The following STMN3 variants were observed in gnomAD, a reference collection of about 807,000 sequenced individuals.
STMN3 encodes stathmin-3.
Under a neutral mutation model 23.2 loss-of-function variants are expected in STMN3, and 24 were observed. The observed-to-expected ratio is 1.03, with a 90% confidence interval of 0.75 to 1.45. The LOEUF is 1.45. Among genes scored for constraint, STMN3 ranks in the 40% most tolerant of loss-of-function variants. The probability of loss-of-function intolerance (pLI) is 0.00; values close to 1 mark genes in which losing one functional copy is unlikely to be tolerated. For synonymous variants in STMN3, 117 were observed against 103.4 expected, an observed-to-expected ratio of 1.13 and a Z score of -0.80; for missense variants, 235 against 237.6, an observed-to-expected ratio of 0.99 and a Z score of 0.07.
chr20:63,647,902 AC>A (rs1468965900), intron 1 of STMN3, among the ~76,000 whole-genome samples: 2 of 128,394 alleles, frequency 1.6e-5, no homozygotes, highest in African/African-American at 2.8e-5. Context: ...ACGTATATAT[AC>A]ACGTGTGTAT....
At chr20:63,647,960 G>GTGTATACATATATATA (rs1424237875) in intron 1 of STMN3, among the ~76,000 whole-genome samples, 2 of 53,360 alleles carry the variant, frequency 3.7e-5, no homozygotes, top group Admixed American at 2.3e-4. Flanking sequence ...ATATATATAT[G>GTGTATACATATATATA]TATATATATA....
At position 63,641,409 on chromosome 20, in the gene STMN3, G is replaced by A; in HGVS notation, c.484-12C>T. 1.3e-6 allele frequency: 2 copies of A among 1,560,796 alleles called. No homozygotes were observed. The highest frequency in any genetic ancestry group is 2.4e-5 in the South Asian group (2 of 84,964). ...GCCGCGTGCAGCTCCTGCAGGACAG[G>A]GGGCGGGAGGGCCTGAGGGCGGGGG... On this transcript the variant is annotated splice_polypyrimidine_tract_variant and intron_variant, in intron 4 of 4. Transcript: ENST00000370053.
At chr20:63,650,830 G>A (rs1222318641) in intron 1 of STMN3, among the ~76,000 whole-genome samples, 3 of 64,998 alleles carry the variant, frequency 4.6e-5, no homozygotes, top group Admixed American at 2.0e-4. Context: ...CCCTCCCGCC[G>A]CCCAGGTGGA....
intron 1 of STMN3, among the ~76,000 whole-genome samples, chr20:63,650,124 G>C (rs192674108): frequency 3.5e-5 from 3 of 86,832 alleles, no homozygotes; most frequent in African/African-American, 5.3e-5. Flanking sequence ...CCCCGCGCCT[G>C]GCCCCCCGCA....
Position 63,641,040 on chromosome 20 carries a change from G to A in STMN3, c.*298C>T. The A allele has an allele frequency of 4.0e-6, 2 of 499,806 alleles. No homozygotes were observed. The highest frequency in any genetic ancestry group is 7.3e-6 in the Non-Finnish European group (2 of 272,364). The allele number at this position is 499,806 out of a possible 1,614,324, so 31.0% of individuals were successfully genotyped here. ...ACCCGTGATCCCACGCCACCGCCCT[G>A]GGTTTACCACGGTCACCGCCACCTC... On this transcript the variant is annotated 3_prime_UTR_variant, in exon 5 of 5. Coordinates refer to ENST00000370053, the MANE Select transcript of STMN3 (RefSeq NM_015894.4).
intron 1 of STMN3, among the ~76,000 whole-genome samples, chr20:63,647,858 A>G (rs2089826072): frequency 7.9e-6 from 1 of 126,116 alleles, no homozygotes; most frequent in Non-Finnish European, 1.7e-5. Context: ...TAATATATAT[A>G]CGTATATATA....
chr20:63,644,005 G>A, intron 2 of STMN3, 74 bp from the exon 3 acceptor site: 1 of 1,558,974 alleles, frequency 6.4e-7, no homozygotes, highest in Admixed American at 2.1e-5. Context: ...GATGCTCCCA[G>A]CACACATCCA....
At chr20:63,642,379 G>T in intron 3 of STMN3, 80 bp from the exon 4 acceptor site, 3 of 1,097,052 alleles carry the variant, frequency 2.7e-6, no homozygotes, top group Non-Finnish European at 3.5e-6. Context: ...TCCGCCTCCC[G>T]CCCAGCGCCC....
intron 1 of STMN3, among the ~76,000 whole-genome samples, chr20:63,647,646 ATACATGTATATATATAATATATATATAC>A (rs1569069719): frequency 7.2e-6 from 1 of 138,340 alleles, no homozygotes; most frequent in African/African-American, 2.7e-5. Context: ...ATATATATAT[ATACATGTATATATATAATATATATATAC>A]GTATATATAC....
At position 63,640,146 on chromosome 20, in the gene STMN3, G is replaced by A. The variant is rs2089747605; in HGVS notation, c.*1192C>T. 1 of 152,802 alleles carries A rather than the reference G, an allele frequency of 6.5e-6. No homozygotes were observed. Among genetic ancestry groups the A allele is most frequent in the Non-Finnish European group, 1.5e-5 (1 of 68,118 alleles). 9.5% of individuals were successfully genotyped at this position (152,802 alleles called of 1,614,324 possible). On this transcript the variant is annotated 3_prime_UTR_variant, in exon 5 of 5. Coordinates refer to ENST00000370053, the MANE Select transcript of STMN3 (RefSeq NM_015894.4). Reference sequence around the variant, plus strand: ...CTTCACACTTTACAGCAAGGGGCCAGGCAGCAGCTTTGGGATGGGGCTTCC... The same window carrying A: ...CTTCACACTTTACAGCAAGGGGCCAAGCAGCAGCTTTGGGATGGGGCTTCC...
rs2089762267 is a variant in STMN3, at chr20:63,641,543, G to A, written c.484-146C>T. 3 of 641,132 alleles carry A rather than the reference G, an allele frequency of 4.7e-6. No individual in the cohort carries two copies. In the East Asian group the frequency reaches 8.2e-5, roughly 18 times the overall value. The allele number at this position is 641,132 out of a possible 1,614,324, so 39.7% of individuals were successfully genotyped here. A position where few individuals can be genotyped will look rare whatever the true frequency, so the allele number is the denominator to read the frequency against. ...GGCAGGACCCTGACTGAGTTGAGGGGGCGGGAGCACCGGGGAGGCGCAGAG... is the reference window on the plus strand; with the variant it reads ...GGCAGGACCCTGACTGAGTTGAGGGAGCGGGAGCACCGGGGAGGCGCAGAG... On this transcript the variant is annotated intron_variant, in intron 4 of 4. Transcript: ENST00000370053.
intron 2 of STMN3, 46 bp from the exon 3 acceptor site, chr20:63,643,977 A>G: frequency 1.3e-6 from 2 of 1,580,848 alleles, no homozygotes; most frequent in Non-Finnish European, 1.7e-6. Flanking sequence ...CGGCCAGGGC[A>G]TGGCGTGGGC....
At chr20:63,650,378 G>C (rs1202677165) in intron 1 of STMN3, among the ~76,000 whole-genome samples, 1 of 152,164 alleles carries the variant, frequency 6.6e-6, no homozygotes, top group Admixed American at 6.5e-5. Context: ...AAGGCACCAG[G>C]TTGGCCTCAA....
intron 1 of STMN3, among the ~76,000 whole-genome samples, chr20:63,650,363 A>C (rs1487228803): frequency 6.6e-6 from 1 of 152,192 alleles, no homozygotes; most frequent in Non-Finnish European, 1.5e-5. Flanking sequence ...AGCAGGAGTC[A>C]GAAAAAGGCA....
At chr20:63,650,560 G>A (rs1601063285) in intron 1 of STMN3, among the ~76,000 whole-genome samples, 1 of 122,126 alleles carries the variant, frequency 8.2e-6, no homozygotes, top group Non-Finnish European at 1.7e-5. Context: ...CCCTCCCGTC[G>A]CCCAGGTGGA....
chr20:63,646,645 G>A (rs1431836009), intron 1 of STMN3, among the ~76,000 whole-genome samples: 1 of 151,928 alleles, frequency 6.6e-6, no homozygotes, highest in Non-Finnish European at 1.5e-5. Context: ...GAGCCACTGT[G>A]CCTGGCCTAC....
chr20:63,652,631 C>G lies in STMN3; in HGVS notation c.19+696G>C. 1.0e-6 allele frequency: 1 copy of G among 985,506 alleles called. No homozygotes were observed. The highest frequency in any genetic ancestry group is 1.7e-5 in the African/African-American group (1 of 57,366). The allele number at this position is 985,506 out of a possible 1,614,324, so 61.0% of individuals were successfully genotyped here. On this transcript the variant is annotated intron_variant, in intron 1 of 4. Coordinates refer to ENST00000370053, the MANE Select transcript of STMN3 (RefSeq NM_015894.4). This position sits in a 1 kb window ranked among gnomAD's most constrained non-coding sequence, Gnocchi z 5.3. ...GGAGGGGCGGGAGGGGCGGAGCCCT[C>G]TGGTCTCCGGAGGGTTTGGGGATCG...
chr20:63,646,368 T>A (rs1287939543), intron 1 of STMN3, among the ~76,000 whole-genome samples: 1 of 152,036 alleles, frequency 6.6e-6, no homozygotes, highest in African/African-American at 2.4e-5. Flanking sequence ...TCTTTTTTTC[T>A]TTTTGAGATG....
At position 63,640,900 on chromosome 20, in the gene STMN3, A is replaced by G. The variant is rs2146111323; in HGVS notation, c.*438T>C. ...CCCCCGTCGCCCCTCCCTCATGGGG[A>G]GCCCCTTCCCCCTGGAAAGACAGCA... On this transcript the variant is annotated 3_prime_UTR_variant, in exon 5 of 5. Transcript: ENST00000370053. 4.1e-6 allele frequency: 1 copy of G among 246,774 alleles called. No individual in the cohort carries two copies. The highest frequency in any genetic ancestry group is 3.9e-5 in the South Asian group (1 of 25,966). 15.3% of individuals were successfully genotyped at this position (246,774 alleles called of 1,614,324 possible). A position where few individuals can be genotyped will look rare whatever the true frequency, so the allele number is the denominator to read the frequency against.
Sources: gnomAD v4.1 joint callset for allele counts (sites outside exome capture counted in the v4.1 genomes callset) on GRCh38, gnomAD v4.1.1 for gene constraint, Gnocchi (gnomAD v3.1) non-coding constraint, MANE v1.5 for transcripts, NCBI Gene and HGNC (gene_info 2026-07-23, HGNC 2026-07-21) for gene names.